EXOC4: variants seen among roughly 807,000 people sequenced by gnomAD.
EXOC4 encodes exocyst complex component 4.
Under a neutral mutation model 107.2 loss-of-function variants are expected in EXOC4, and 71 were observed. The ratio of observed to expected loss-of-function variants is 0.66; its 90% CI spans 0.55 to 0.81. The LOEUF is 0.81. Among genes scored for constraint, EXOC4 ranks in the 30% least tolerant of loss-of-function variants. The probability of loss-of-function intolerance (pLI) is 0.00; values close to 1 mark genes in which losing one functional copy is unlikely to be tolerated. For missense variants in EXOC4, 1,108 were observed against 1,189.6 expected (o/e 0.93, Z 1.01); for synonymous variants, 456 against 441.2 (o/e 1.03, Z -0.42).
intron 11 of EXOC4, among the ~76,000 whole-genome samples, chr7:133,869,894 A>C (rs1226533039): frequency 6.6e-6 from 1 of 152,188 alleles, no homozygotes; most frequent in Non-Finnish European, 1.5e-5. Context: ...ACAGCTTGCC[A>C]CTTGGGATCT....
At chr7:133,279,649 G>A (rs892060854) in intron 2 of EXOC4, among the ~76,000 whole-genome samples, 1 of 152,114 alleles carries the variant, frequency 6.6e-6, no homozygotes, top group East Asian at 1.9e-4. Flanking sequence ...CTCCTGAGTA[G>A]TTGGGACCAT....
intron 11 of EXOC4, among the ~76,000 whole-genome samples, chr7:133,876,221 G>GGTGTGTGTGT (rs10605200): frequency 4.8e-4 from 71 of 147,290 alleles, no homozygotes; most frequent in African/African-American, 1.6e-3. Flanking sequence ...AGAATGAAGA[G>GGTGTGTGTGT]GTGTGTGTGT....
At chr7:133,424,928 A>G (rs1797690834) in intron 7 of EXOC4, among the ~76,000 whole-genome samples, 1 of 152,234 alleles carries the variant, frequency 6.6e-6, no homozygotes, top group Non-Finnish European at 1.5e-5. Flanking sequence ...GCTAGCACAC[A>G]GAAAATGTTA....
chr7:134,041,436 G>A (rs1000309612), intron 17 of EXOC4, among the ~76,000 whole-genome samples: 6 of 152,108 alleles, frequency 3.9e-5, no homozygotes, highest in Admixed American at 6.6e-5. Flanking sequence ...GTCCAGATTA[G>A]CAATTTTACT....
chr7:133,995,372 T>A (rs1370876673), intron 14 of EXOC4, among the ~76,000 whole-genome samples: 7 of 152,318 alleles, frequency 4.6e-5, no homozygotes, highest in East Asian at 1.9e-4. Flanking sequence ...CTGCCTCTTC[T>A]CATTGATACG....
At chr7:133,282,276 CCTCTAGTTAGGGTGA>C (rs1169037536) in intron 2 of EXOC4, among the ~76,000 whole-genome samples, 1 of 152,108 alleles carries the variant, frequency 6.6e-6, no homozygotes, top group East Asian at 1.9e-4. Flanking sequence ...TTTCTAATAG[CCTCTAGTTAGGGTGA>C]CTTGCAGATT....
intron 10 of EXOC4, among the ~76,000 whole-genome samples, chr7:133,680,120 G>C (rs997429908): frequency 2.0e-5 from 3 of 152,142 alleles, no homozygotes; most frequent in African/African-American, 7.2e-5. Context: ...GGATGTTCCT[G>C]CTTCATTCTC....
intron 14 of EXOC4, among the ~76,000 whole-genome samples, chr7:133,988,577 T>G (rs1045497254): frequency 1.3e-5 from 2 of 152,178 alleles, no homozygotes; most frequent in South Asian, 2.1e-4. Context: ...GGAATATACC[T>G]TCTATTCTAG....
At chr7:133,819,556 T>A (rs946060500) in intron 11 of EXOC4, among the ~76,000 whole-genome samples, 1 of 151,926 alleles carries the variant, frequency 6.6e-6, no homozygotes, top group Non-Finnish European at 1.5e-5. Flanking sequence ...GTTTCGAGAG[T>A]CATAAGTACC....
At chr7:133,670,434 C>T (rs1457205808) in intron 10 of EXOC4, among the ~76,000 whole-genome samples, 1 of 152,196 alleles carries the variant, frequency 6.6e-6, no homozygotes, top group Non-Finnish European at 1.5e-5. Flanking sequence ...TGTGTGACTG[C>T]ATGCTCTTGG....
intron 10 of EXOC4, among the ~76,000 whole-genome samples, chr7:133,687,591 C>T (rs1303911100): frequency 1.3e-5 from 2 of 152,014 alleles, no homozygotes; most frequent in African/African-American, 4.8e-5. Flanking sequence ...TAGTTTTGGT[C>T]AGTCAGGGAG....
chr7:133,655,724 T>C (rs913898136), intron 10 of EXOC4, among the ~76,000 whole-genome samples: 1 of 152,196 alleles, frequency 6.6e-6, no homozygotes, highest in Non-Finnish European at 1.5e-5. Flanking sequence ...TGCCATCTCC[T>C]AGGATAACAA....
chr7:134,056,951 G>A (rs1354600912), intron 17 of EXOC4, among the ~76,000 whole-genome samples: 2 of 152,128 alleles, frequency 1.3e-5, no homozygotes, highest in Non-Finnish European at 2.9e-5. Flanking sequence ...CAAGTCTCTG[G>A]CTGCTGCTGT....
the EXOC4 span, among the ~76,000 whole-genome samples, chr7:134,078,512 C>T: frequency 2.0e-5 from 3 of 152,082 alleles, no homozygotes; most frequent in Non-Finnish European, 2.9e-5. Context: ...TATTACCCAT[C>T]CTCAGCAGTA....
chr7:133,488,064 A>G (rs1641091734), intron 9 of EXOC4, among the ~76,000 whole-genome samples: 1 of 152,194 alleles, frequency 6.6e-6, no homozygotes, highest in African/African-American at 2.4e-5. Context: ...TAATGAATTT[A>G]TTATTGTCCC....
the EXOC4 span, among the ~76,000 whole-genome samples, chr7:134,080,646 A>G: frequency 6.6e-6 from 1 of 152,066 alleles, no homozygotes; most frequent in Non-Finnish European, 1.5e-5. Flanking sequence ...TTCAGGAAAT[A>G]CTTAAAAGAA....
At chr7:134,049,658 T>C (rs1795735366) in intron 17 of EXOC4, among the ~76,000 whole-genome samples, 1 of 152,228 alleles carries the variant, frequency 6.6e-6, no homozygotes, top group Non-Finnish European at 1.5e-5. Flanking sequence ...TTATGGCCAC[T>C]GTCACATTGC....
chr7:134,087,310 T>G, the EXOC4 span, among the ~76,000 whole-genome samples: 1 of 152,314 alleles, frequency 6.6e-6, no homozygotes, highest in Middle Eastern at 3.4e-3. Flanking sequence ...GCCTAACTAT[T>G]AGAGTCTCTT....
At chr7:133,922,984 TG>T (rs1481015688) in intron 13 of EXOC4, among the ~76,000 whole-genome samples, 2 of 92,840 alleles carry the variant, frequency 2.2e-5, no homozygotes, top group Non-Finnish European at 4.0e-5. Context: ...GTGAATATCC[TG>T]GGTTTTTTTT....
Sources: allele counts gnomAD v4.1 joint callset (sites outside exome capture counted in the v4.1 genomes callset), GRCh38; gene constraint gnomAD v4.1.1; transcripts MANE v1.5; gene names NCBI Gene and HGNC (gene_info 2026-07-23, HGNC 2026-07-21).